TMEM161B: variants seen among roughly 807,000 people sequenced by gnomAD.
The protein encoded by TMEM161B is transmembrane protein 161B.
Under a neutral mutation model 61.8 loss-of-function variants are expected in TMEM161B, and 34 were observed. The ratio of observed to expected loss-of-function variants is 0.55; its 90% confidence interval spans 0.42 to 0.73. The LOEUF is 0.73. Among genes scored for constraint, TMEM161B ranks in the 30% least tolerant of loss-of-function variants. The pLI is 0.00. For synonymous variants in TMEM161B, 167 were observed against 192.8 expected, an observed-to-expected ratio of 0.87 and a Z score of 1.11; for missense variants, 456 against 558.5, an observed-to-expected ratio of 0.82 and a Z score of 1.85.
chr5:88,266,598 T>G (rs1173158811), intron 1 of TMEM161B, among the ~76,000 whole-genome samples: 1 of 152,216 alleles, frequency 6.6e-6, no homozygotes, highest in Non-Finnish European at 1.5e-5. Context: ...CAAATCCATA[T>G]AACTAACAAT....
rs376052457 is a variant in TMEM161B, at chr5:88,206,503, T to TG, written c.599-5dup. The TG allele has an allele frequency of 3.0e-5, 39 of 1,278,760 alleles. No homozygotes were observed. The highest frequency in any genetic ancestry group is 4.6e-5 in the African/African-American group (3 of 65,294). The allele number at this position is 1,278,760 out of a possible 1,614,324, so 79.2% of individuals were successfully genotyped here. A position where few individuals can be genotyped will look rare whatever the true frequency, so the allele number is the denominator to read the frequency against. The stretch of plus-strand genomic sequence containing the variant: ...CTGTCTGAAAAATTTGTAAACCCTG[T>TG]GGGGGAAAAAAAAAAAAACAACAGA... On this transcript the variant is annotated splice_region_variant and splice_polypyrimidine_tract_variant and intron_variant, in intron 6 of 11. Coordinates refer to ENST00000296595, the MANE Select transcript of TMEM161B (RefSeq NM_153354.5).
At chr5:88,216,347 G>A (rs1364570045) in intron 5 of TMEM161B, among the ~76,000 whole-genome samples, 2 of 152,186 alleles carry the variant, frequency 1.3e-5, no homozygotes, top group Admixed American at 6.5e-5. Context: ...TAATTATCAC[G>A]GGAAAATATT....
chr5:88,224,045 A>G (rs1380687676), intron 4 of TMEM161B, among the ~76,000 whole-genome samples: 2 of 152,230 alleles, frequency 1.3e-5, no homozygotes, highest in Non-Finnish European at 2.9e-5. Flanking sequence ...GCCACTTTGT[A>G]TCACAAAATA....
intron 4 of TMEM161B, among the ~76,000 whole-genome samples, chr5:88,224,777 C>T (rs1749673860): frequency 6.6e-6 from 1 of 152,108 alleles, no homozygotes; most frequent in Non-Finnish European, 1.5e-5. Context: ...CCCTCTTCTT[C>T]CTTCTCCTCC....
At chr5:88,194,264 G>A (rs1181728908), downstream of TMEM161B, among the ~76,000 whole-genome samples, 2 of 152,050 alleles carry the variant, frequency 1.3e-5, no homozygotes, top group Non-Finnish European at 2.9e-5. Flanking sequence ...CTGTTTCTGA[G>A]TTAGTTCACT....
chr5:88,205,820 A>AT lies in TMEM161B; in HGVS notation c.793dup (p.Ile265AsnfsTer68), dbSNP rs1580375420. On this transcript the variant is annotated frameshift_variant, in exon 8 of 12. Coordinates refer to ENST00000296595, the MANE Select transcript of TMEM161B (RefSeq NM_153354.5). LOFTEE classifies it high-confidence loss of function. ...ATGTACATTTTCCGCTTACTGTGTA[A>AT]TTTTTTCTGTTGCCAAATTCAGGGC... The AT allele has an allele frequency of 3.1e-6, 5 of 1,612,264 alleles. No homozygotes were observed. The highest frequency in any genetic ancestry group is 1.7e-4 in the Middle Eastern group (1 of 6,032).
At position 88,268,810 on chromosome 5, in the gene TMEM161B, ACT is replaced by A. The variant is rs1191400723; in HGVS notation, c.-89_-88del. ...TACCTCCCGGTCCTTGAGCCGAGAG[ACT>A]CTCAAACAGCGAAAGAGAGGGTCTT... On this transcript the variant is annotated 5_prime_UTR_variant, in exon 1 of 12. Transcript: ENST00000296595. The A allele has an allele frequency of 1.0e-4, 160 of 1,600,724 alleles. No individual in the cohort carries two copies. Among genetic ancestry groups the A allele is most frequent in the Non-Finnish European group, 2.1e-5 (25 of 1,171,250 alleles).
intron 4 of TMEM161B, among the ~76,000 whole-genome samples, 161 bp from the exon 5 acceptor site, chr5:88,220,880 C>T (rs1233070129): frequency 1.3e-5 from 2 of 151,776 alleles, no homozygotes; most frequent in Non-Finnish European, 2.9e-5. Context: ...TCTAAAAATG[C>T]AAGAAATAGA....
intron 1 of TMEM161B, among the ~76,000 whole-genome samples, chr5:88,241,742 C>T (rs1752771856): frequency 6.6e-6 from 1 of 151,766 alleles, no homozygotes; most frequent in Non-Finnish European, 1.5e-5. Flanking sequence ...CCATATTCTC[C>T]ATGATGGCTA....
intron 10 of TMEM161B, 80 bp from the exon 11 acceptor site, chr5:88,197,845 C>G: frequency 2.6e-6 from 3 of 1,170,118 alleles, no homozygotes; most frequent in South Asian, 1.5e-5. Context: ...ATTGCCATAC[C>G]AAAATACTTA....
chr5:88,261,478 C>T (rs975765281), intron 1 of TMEM161B, among the ~76,000 whole-genome samples: 1 of 151,762 alleles, frequency 6.6e-6, no homozygotes, highest in African/African-American at 2.4e-5. Flanking sequence ...AGAGCCAACA[C>T]AATACTGAAG....
Position 88,195,812 on chromosome 5 carries a change from T to C in TMEM161B, c.*399A>G. 1.0e-6 allele frequency: 1 copy of C among 991,898 alleles called. No homozygotes were observed. The highest frequency in any genetic ancestry group is 1.2e-6 in the Non-Finnish European group (1 of 834,212). The allele number at this position is 991,898 out of a possible 1,614,324, so 61.4% of individuals were successfully genotyped here. A position where few individuals can be genotyped will look rare whatever the true frequency, so the allele number is the denominator to read the frequency against. On this transcript the variant is annotated 3_prime_UTR_variant, in exon 12 of 12. Coordinates refer to ENST00000296595, the MANE Select transcript of TMEM161B (RefSeq NM_153354.5). The stretch of plus-strand genomic sequence containing the variant: ...CTAAAGCATGGCTCAGTTTGAAGAT[T>C]GTTCTATAGGCAGCCACTATGACTA...
chr5:88,253,703 A>C (rs1233570102), intron 1 of TMEM161B, among the ~76,000 whole-genome samples: 2 of 152,306 alleles, frequency 1.3e-5, no homozygotes, highest in Middle Eastern at 3.4e-3. Context: ...TGGGAAAAAT[A>C]AATTGAAGGG....
At chr5:88,227,193 A>C (rs1445963136) in intron 3 of TMEM161B, among the ~76,000 whole-genome samples, 2 of 152,190 alleles carry the variant, frequency 1.3e-5, no homozygotes, top group Non-Finnish European at 2.9e-5. Context: ...CTTTCTACAT[A>C]ACTAAATTTT....
At chr5:88,219,282 C>A (rs945761711) in intron 5 of TMEM161B, among the ~76,000 whole-genome samples, 1 of 152,122 alleles carries the variant, frequency 6.6e-6, no homozygotes, top group Non-Finnish European at 1.5e-5. Flanking sequence ...TAACTGCCAG[C>A]CCAAAGATAC....
chr5:88,214,110 G>C (rs554887479), intron 5 of TMEM161B, among the ~76,000 whole-genome samples: 1 of 152,216 alleles, frequency 6.6e-6, no homozygotes, highest in East Asian at 1.9e-4. Context: ...TCTACATATA[G>C]AACTGATTAT....
chr5:88,260,146 C>T (rs1386323824), intron 1 of TMEM161B, among the ~76,000 whole-genome samples: 1 of 152,180 alleles, frequency 6.6e-6, no homozygotes, highest in Non-Finnish European at 1.5e-5. Flanking sequence ...ATAAATGCAG[C>T]TGTTATCGTT....
At chr5:88,210,692 AAG>A (rs1364925323) in intron 5 of TMEM161B, among the ~76,000 whole-genome samples, 2 of 152,124 alleles carry the variant, frequency 1.3e-5, no homozygotes, top group Non-Finnish European at 2.9e-5. Flanking sequence ...GCAGGAGATT[AAG>A]AGATTCTCCT....
At chr5:88,217,318 C>T (rs1300590339) in intron 5 of TMEM161B, among the ~76,000 whole-genome samples, 1 of 151,984 alleles carries the variant, frequency 6.6e-6, no homozygotes, top group South Asian at 2.1e-4. Context: ...CTTCCTAAAT[C>T]CCACCAAAAT....
Sources: allele counts gnomAD v4.1 joint callset (sites outside exome capture counted in the v4.1 genomes callset), GRCh38; gene constraint gnomAD v4.1.1; transcripts MANE v1.5; gene names NCBI Gene and HGNC (gene_info 2026-07-23, HGNC 2026-07-21).